WWC1: variants seen among roughly 807,000 people sequenced by gnomAD.
WWC1 encodes the protein protein KIBRA.
In WWC1, 55 loss-of-function variants were observed where a neutral mutation model predicts 138.4. That is an observed-to-expected ratio of 0.40 (90% CI 0.32 to 0.50). WWC1 has a LOEUF of 0.50. WWC1 is among the 20% of genes least tolerant of loss of function. WWC1 has a pLI of 0.72. For missense variants in WWC1, 1,226 were observed against 1,420.4 expected (o/e 0.86, Z 2.20); for synonymous variants, 524 against 564.9 (o/e 0.93, Z 1.03).
At chr5:168,446,932 G>A (rs746304760) in intron 17 of WWC1, among the ~76,000 whole-genome samples, 2 of 152,234 alleles carry the variant, frequency 1.3e-5, no homozygotes, top group Non-Finnish European at 2.9e-5. Flanking sequence ...TTGGTCTTAA[G>A]TGCATGTGCT....
chr5:168,364,800 G>T (rs532606193), intron 1 of WWC1, among the ~76,000 whole-genome samples: 1 of 152,112 alleles, frequency 6.6e-6, no homozygotes, highest in Admixed American at 6.5e-5. Context: ...GCTGACCTCC[G>T]CCTCCACTTC....
chr5:168,428,308 G>A (rs112850182), intron 12 of WWC1, among the ~76,000 whole-genome samples, 167 bp downstream of exon 12: 29 of 152,340 alleles, frequency 1.9e-4, no homozygotes, highest in African/African-American at 6.5e-4. Flanking sequence ...GGCACAGACA[G>A]CATAACTTTT....
Position 168,431,454 on chromosome 5 carries a change from G to A in WWC1, c.2280+10G>A, listed in dbSNP as rs757330490. ...TCTGGAAGAGTGCCTGGTAAGGGCC[G>A]TGTCTGGCTGGCTGGCTGGCTGGCT... On this transcript the variant is annotated intron_variant, in intron 15 of 22. Transcript: ENST00000265293. 2.6e-5 allele frequency: 40 copies of A among 1,549,046 alleles called. 1 individual carries two copies. The highest frequency in any genetic ancestry group is 6.7e-5 in the African/African-American group (4 of 59,296).
At chr5:168,358,101 T>A (rs572299060) in intron 1 of WWC1, among the ~76,000 whole-genome samples, 2 of 152,266 alleles carry the variant, frequency 1.3e-5, no homozygotes, top group Admixed American at 1.3e-4. Context: ...TTTCCAGACA[T>A]GTCAGCTGCA....
chr5:168,446,663 A>G (rs977273900), intron 17 of WWC1, among the ~76,000 whole-genome samples: 1 of 152,230 alleles, frequency 6.6e-6, no homozygotes, highest in Admixed American at 6.5e-5. Flanking sequence ...ACTGTTGGGC[A>G]AGTCGCTCTA....
At chr5:168,370,588 G>C (rs779417692) in intron 1 of WWC1, among the ~76,000 whole-genome samples, 3 of 152,210 alleles carry the variant, frequency 2.0e-5, no homozygotes, top group Non-Finnish European at 4.4e-5. Flanking sequence ...CAAAGTGACT[G>C]TCTGGAGGGG....
chr5:168,410,581 T>A (rs1164771436), intron 8 of WWC1, among the ~76,000 whole-genome samples: 3 of 152,206 alleles, frequency 2.0e-5, no homozygotes, highest in Non-Finnish European at 4.4e-5. Context: ...CTTTGTTTTC[T>A]TTTTTAGGGA....
At chr5:168,432,668 G>A (rs1782042179) in intron 15 of WWC1, among the ~76,000 whole-genome samples, 1 of 152,160 alleles carries the variant, frequency 6.6e-6, no homozygotes, top group African/African-American at 2.4e-5. Context: ...AGCTTGTTGT[G>A]TCCCCACCCC....
At chr5:168,339,014 G>C (rs1426943282) in intron 1 of WWC1, among the ~76,000 whole-genome samples, 2 of 152,114 alleles carry the variant, frequency 1.3e-5, no homozygotes, top group Non-Finnish European at 2.9e-5. Flanking sequence ...TGAGATAATG[G>C]GTATGCTAAT....
At chr5:168,341,265 T>A (rs905908397) in intron 1 of WWC1, among the ~76,000 whole-genome samples, 1 of 152,150 alleles carries the variant, frequency 6.6e-6, no homozygotes, top group Non-Finnish European at 1.5e-5. Flanking sequence ...AGGAGGTGCT[T>A]GCTCTAAGAT....
chr5:168,428,709 T>C lies in WWC1; in HGVS notation c.1922T>C (p.Leu641Pro), dbSNP rs756658681. The change falls in exon 13 of 23, where the codon CTG (leucine) becomes CCG (proline). Residue 641 changes from leucine to proline, a missense_variant and splice_region_variant. Leu to Pro is a moderately conservative substitution (Grantham distance 98). Around this residue, in one of 3 missense-constraint regions of WWC1, gnomAD observed 1,016 missense variants for 1,153.9 expected, o/e 0.88. Transcript: ENST00000265293. ...CCTCCTCCCCTGTTGCCTTTCAGAC[T>C]GGGTGCTTCAGAAGCTGCTGCATTT... ...SGVYEASVQR[L>P]GASEAAAFDS... 8.1e-6 allele frequency: 13 copies of C among 1,613,830 alleles called. No homozygotes were observed. Among genetic ancestry groups the C allele is most frequent in the Admixed American group, 1.7e-5 (1 of 59,994 alleles).
rs79230856 is a variant in WWC1, at chr5:168,430,528, C to T, written c.2087+305C>T. Among the ~76,000 whole-genome samples, 351 of 152,300 alleles carry T rather than the reference C, an allele frequency of 2.3e-3. 5 individuals are homozygous for T. The highest frequency in any genetic ancestry group is 0.015 in the South Asian group (74 of 4,826). ...GGTGGTGAGCAGATCCTTCCTGGGCCCTACCCTCCTGGACTTTGAGCCTCA... is the reference window on the plus strand; with the variant it reads ...GGTGGTGAGCAGATCCTTCCTGGGCTCTACCCTCCTGGACTTTGAGCCTCA... On this transcript the variant is annotated intron_variant, in intron 14 of 22. Transcript: ENST00000265293.
chr5:168,449,225 A>G (rs1755571519), intron 17 of WWC1, among the ~76,000 whole-genome samples: 1 of 152,180 alleles, frequency 6.6e-6, no homozygotes, highest in African/African-American at 2.4e-5. Context: ...CTTTACAATT[A>G]AAATTAAGTT....
At chr5:168,428,872 C>A in intron 13 of WWC1, 85 bp downstream of exon 13, 1 of 1,442,162 alleles carries the variant, frequency 6.9e-7, no homozygotes. Flanking sequence ...CATTTACCTT[C>A]ACAGCCGCCC....
intron 1 of WWC1, among the ~76,000 whole-genome samples, chr5:168,301,769 G>A (rs928453245): frequency 6.6e-6 from 1 of 152,052 alleles, no homozygotes; most frequent in Non-Finnish European, 1.5e-5. Context: ...AAGTCTTAGC[G>A]CCTATCATGC....
intron 5 of WWC1, 61 bp from the exon 6 acceptor site, chr5:168,406,137 C>T (rs532237349): frequency 1.3e-6 from 2 of 1,592,102 alleles, no homozygotes; most frequent in Middle Eastern, 1.7e-4. Context: ...TGCTTTTCCC[C>T]TGGGGAGACC....
At chr5:168,412,525 G>A (rs959938871) in intron 8 of WWC1, among the ~76,000 whole-genome samples, 5 of 152,118 alleles carry the variant, frequency 3.3e-5, no homozygotes, top group Non-Finnish European at 7.3e-5. Flanking sequence ...TGCATATGGT[G>A]GAGCCCCTGC....
intron 22 of WWC1, 45 bp from the exon 23 acceptor site, chr5:168,468,906 G>A (rs1471768674): frequency 6.3e-7 from 1 of 1,599,018 alleles, no homozygotes; most frequent in African/African-American, 1.3e-5. Flanking sequence ...TCTCTGTAGA[G>A]CGAGGTTGAA....
intron 11 of WWC1, among the ~76,000 whole-genome samples, chr5:168,424,571 G>A (rs1055689404): frequency 2.4e-4 from 37 of 152,228 alleles, no homozygotes; most frequent in Non-Finnish European, 2.9e-5. Context: ...AGGTTGGGTT[G>A]TGAAAGAAGA....
Sources: gnomAD v4.1 joint callset for allele counts (sites outside exome capture counted in the v4.1 genomes callset) on GRCh38, gnomAD v4.1.1 for gene constraint, gnomAD v4.1.1 regional missense constraint, MANE v1.5 for transcripts, NCBI Gene and HGNC (gene_info 2026-07-23, HGNC 2026-07-21) for gene names.